Variants in G3BP1 observed in about 807,000 individuals in gnomAD.
G3BP1 encodes the protein ras GTPase-activating protein-binding protein 1.
Under a neutral mutation model 58.6 loss-of-function variants are expected in G3BP1, and 35 were observed. The observed-to-expected ratio is 0.60, with a 90% confidence interval of 0.46 to 0.79. G3BP1 has a LOEUF of 0.79. Ranked by LOEUF, G3BP1 falls within the 30% of genes least tolerant of loss-of-function variation. The probability of loss-of-function intolerance (pLI) is 0.00; values close to 1 mark genes in which losing one functional copy is unlikely to be tolerated. For missense variants in G3BP1, 523 were observed against 580.8 expected, an observed-to-expected ratio of 0.90 and a Z score of 1.02; for synonymous variants, 191 against 195.4, an observed-to-expected ratio of 0.98 and a Z score of 0.19.
chr5:151,810,796 A>C lies in G3BP1; in HGVS notation c.*6705A>C, dbSNP rs541573126. 6.6e-6 allele frequency: 1 copy of C among 152,014 alleles called. No individual in the cohort carries two copies. The highest frequency in any genetic ancestry group is 2.1e-4 in the South Asian group (1 of 4,804). The allele number at this position is 152,014 out of a possible 1,614,324, so 9.4% of individuals were successfully genotyped here. A position where few individuals can be genotyped will look rare whatever the true frequency, so the allele number is the denominator to read the frequency against. The stretch of plus-strand genomic sequence containing the variant: ...TTGAATTTAATAAATTTTAGGCACT[A>C]TACCATTTCAGTGGAGAAAATTGTT... On this transcript the variant is annotated 3_prime_UTR_variant, in exon 12 of 12. Transcript: ENST00000356245.
intron 6 of G3BP1, 126 bp from the exon 7 acceptor site, chr5:151,797,101 C>G (rs1248593910): frequency 1.2e-6 from 1 of 823,472 alleles, no homozygotes; most frequent in African/African-American, 1.7e-5. Flanking sequence ...ATATACAATT[C>G]TTAGATTTTT....
At chr5:151,800,170 A>T (rs376154734) in intron 9 of G3BP1, 48 bp from the exon 10 acceptor site, 5 of 1,591,354 alleles carry the variant, frequency 3.1e-6, no homozygotes, top group Non-Finnish European at 4.3e-6. Context: ...TCATTGAAAG[A>T]TGTCTTCTTT....
chr5:151,777,727 A>G (rs1214954924), intron 1 of G3BP1, among the ~76,000 whole-genome samples: 1 of 152,100 alleles, frequency 6.6e-6, no homozygotes, highest in Non-Finnish European at 1.5e-5. Flanking sequence ...GGAGACTCTT[A>G]AAAGAAGGTA....
chr5:151,811,454 TA>T lies in G3BP1; in HGVS notation c.*7366del, dbSNP rs2113264533. On this transcript the variant is annotated 3_prime_UTR_variant, in exon 12 of 12. Coordinates refer to ENST00000356245, the MANE Select transcript of G3BP1 (RefSeq NM_005754.3). ...TGGGGTAATTGGAAGTTCTTGCATA[TA>T]AAGTTGGTTAAATAGTAATAATTAT... is the stretch of plus-strand genomic sequence containing the variant. 6.6e-6 allele frequency: 1 copy of T among 152,360 alleles called. No individual in the cohort carries two copies. Among genetic ancestry groups the T allele is most frequent in the Non-Finnish European group, 1.5e-5 (1 of 68,036 alleles). The allele number at this position is 152,360 out of a possible 1,614,324, so 9.4% of individuals were successfully genotyped here.
chr5:151,773,027 A>G (rs1009539322), intron 1 of G3BP1, among the ~76,000 whole-genome samples: 1 of 152,234 alleles, frequency 6.6e-6, no homozygotes, highest in African/African-American at 2.4e-5. Flanking sequence ...TAGCTTCTGG[A>G]AAAAAGTAGG....
rs532091042 is a variant in G3BP1 at position 151,778,999 on chromosome 5, G to A, written c.-50+6963G>A. 3.3e-5 allele frequency among the ~76,000 whole-genome samples: 5 copies of A among 151,880 alleles called. No homozygotes were observed. In the East Asian group the frequency reaches 9.7e-4, roughly 29 times the overall value. On this transcript the variant is annotated intron_variant, in intron 1 of 11. Transcript: ENST00000356245. ...TTGAACCTGGGAGGTGGAGGTTGCG[G>A]TGAGCGCCACTGCACTCCAGCCTGG... is the stretch of plus-strand genomic sequence containing the variant.
intron 7 of G3BP1, 94 bp downstream of exon 7, chr5:151,797,522 A>G (rs1266360351): frequency 1.0e-5 from 13 of 1,296,876 alleles, no homozygotes; most frequent in Non-Finnish European, 6.3e-6. Flanking sequence ...TGACTTGTAG[A>G]TACATTTTCA....
chr5:151,776,289 A>G (rs548082015), intron 1 of G3BP1, among the ~76,000 whole-genome samples: 3 of 152,272 alleles, frequency 2.0e-5, no homozygotes, highest in Non-Finnish European at 4.4e-5. Flanking sequence ...TAACCTGATG[A>G]TTTGGTTCAG....
intron 7 of G3BP1, among the ~76,000 whole-genome samples, chr5:151,798,380 G>C (rs537777622): frequency 1.6e-4 from 25 of 152,224 alleles, no homozygotes; most frequent in Non-Finnish European, 2.9e-4. Context: ...AAGTGGAAAA[G>C]TAGGTTGGCT....
In G3BP1 at chr5:151,810,380, A is replaced by G. The variant is rs1301956123; in HGVS notation, c.*6289A>G. 6.6e-6 allele frequency: 1 copy of G among 152,184 alleles called. No individual in the cohort carries two copies. The highest frequency in any genetic ancestry group is 1.5e-5 in the Non-Finnish European group (1 of 68,034). 9.4% of individuals were successfully genotyped at this position (152,184 alleles called of 1,614,324 possible). ...GAGCTATATTTTTTCCTAAGAAAAAATTTCAACAGGAATGGGGAGTAGCCC... is the reference window on the plus strand; with the variant it reads ...GAGCTATATTTTTTCCTAAGAAAAAGTTTCAACAGGAATGGGGAGTAGCCC... On this transcript the variant is annotated 3_prime_UTR_variant, in exon 12 of 12. Coordinates refer to ENST00000356245, the MANE Select transcript of G3BP1 (RefSeq NM_005754.3).
intron 11 of G3BP1, among the ~76,000 whole-genome samples, chr5:151,802,097 G>T (rs1195570653): frequency 6.6e-6 from 1 of 152,184 alleles, no homozygotes; most frequent in Non-Finnish European, 1.5e-5. Flanking sequence ...GATTATAGGT[G>T]CGAGCCAATG....
chr5:151,785,442 TA>T (rs910562780), intron 1 of G3BP1, among the ~76,000 whole-genome samples: 6 of 151,706 alleles, frequency 4.0e-5, no homozygotes, highest in African/African-American at 7.2e-5. Flanking sequence ...TACCCCTGTT[TA>T]AAAAAAAACA....
intron 11 of G3BP1, among the ~76,000 whole-genome samples, chr5:151,803,341 T>G (rs1762888031): frequency 6.6e-6 from 1 of 152,134 alleles, no homozygotes; most frequent in Admixed American, 6.5e-5. Flanking sequence ...CTGTCGCCCA[T>G]GCTGGAGTGC....
chr5:151,800,428 T>C, intron 10 of G3BP1, 82 bp downstream of exon 10: 3 of 985,834 alleles, frequency 3.0e-6, no homozygotes, highest in South Asian at 1.8e-5. Flanking sequence ...GAGCCACATA[T>C]GTAATTATAA....
chr5:151,787,014 T>C, intron 2 of G3BP1: 1 of 186,418 alleles, frequency 5.4e-6, no homozygotes. Flanking sequence ...GGCTAATTTT[T>C]GTATTTTTTT....
chr5:151,773,399 A>G (rs1762311765), intron 1 of G3BP1, among the ~76,000 whole-genome samples: 1 of 152,186 alleles, frequency 6.6e-6, no homozygotes, highest in African/African-American at 2.4e-5. Context: ...GTTGGAAAAA[A>G]CAACTGTGAC....
At chr5:151,780,089 T>C (rs1018498086) in intron 1 of G3BP1, among the ~76,000 whole-genome samples, 1 of 152,194 alleles carries the variant, frequency 6.6e-6, no homozygotes, top group Non-Finnish European at 1.5e-5. Flanking sequence ...CTCTTTTTTT[T>C]ACTTGGTTGC....
intron 2 of G3BP1, chr5:151,787,422 CAG>C (rs1762571154): frequency 6.6e-6 from 1 of 152,174 alleles, no homozygotes; most frequent in East Asian, 1.9e-4. Flanking sequence ...AATTAGAACA[CAG>C]ATAAATTATG....
chr5:151,799,779 T>C (rs111868907), intron 8 of G3BP1, 110 bp from the exon 9 acceptor site: 2 of 654,098 alleles, frequency 3.1e-6, no homozygotes. Flanking sequence ...ATTTTTCTTG[T>C]GAGGGAATTG....
Sources: allele counts gnomAD v4.1 joint callset (sites outside exome capture counted in the v4.1 genomes callset), GRCh38; gene constraint gnomAD v4.1.1; transcripts MANE v1.5; gene names NCBI Gene and HGNC (gene_info 2026-07-23, HGNC 2026-07-21).